The following SLC25A26 variants were observed in gnomAD, a reference collection of about 807,000 sequenced individuals.
The protein encoded by SLC25A26 is solute carrier family 25 member 26.
In SLC25A26, 36 loss-of-function variants were observed where a neutral mutation model predicts 37.8. The observed-to-expected ratio is 0.95, with a 90% CI of 0.73 to 1.26. The LOEUF is 1.26. Ranked by LOEUF, SLC25A26 falls within the 50% of genes most tolerant of loss-of-function variation. The pLI is 0.00. For synonymous variants in SLC25A26, 129 were observed against 122.5 expected, an observed-to-expected ratio of 1.05 and a Z score of -0.35; for missense variants, 390 against 331.1, an observed-to-expected ratio of 1.18 and a Z score of -1.38.
intron 1 of SLC25A26, among the ~76,000 whole-genome samples, chr3:66,177,658 G>A (rs1479562026): frequency 6.6e-6 from 1 of 152,242 alleles, no homozygotes; most frequent in South Asian, 2.1e-4. Context: ...GAAGGAGTGA[G>A]ATAAATAAGG....
chr3:66,303,677 T>C (rs1240472800), intron 5 of SLC25A26, among the ~76,000 whole-genome samples: 3 of 152,232 alleles, frequency 2.0e-5, no homozygotes, highest in Admixed American at 2.0e-4. Flanking sequence ...TCTGTTGCTG[T>C]GTAATGAATT....
At chr3:66,230,815 AAAAACAAAAAAAAACCAG>A (rs1285926555) in intron 1 of SLC25A26, among the ~76,000 whole-genome samples, 23 of 140,922 alleles carry the variant, frequency 1.6e-4, no homozygotes, top group African/African-American at 6.4e-4. Flanking sequence ...CAAAAAAAAA[AAAAACAAAAAAAAACCAG>A]AATTTTAGAC....
At chr3:66,241,146 G>GA (rs36194505) in intron 2 of SLC25A26, among the ~76,000 whole-genome samples, 4 of 151,916 alleles carry the variant, frequency 2.6e-5, no homozygotes, top group Non-Finnish European at 5.9e-5. Flanking sequence ...TATATTTATT[G>GA]AAAAAAAGCC....
intron 5 of SLC25A26, among the ~76,000 whole-genome samples, chr3:66,308,981 T>G (rs1363666135): frequency 6.6e-6 from 1 of 152,242 alleles, no homozygotes; most frequent in Non-Finnish European, 1.5e-5. Flanking sequence ...ATCAGGGATC[T>G]TGGCCTGAAA....
In SLC25A26 at chr3:66,318,590, A is replaced by C. The variant is rs57708290; in HGVS notation, c.454-27774A>C. On this transcript the variant is annotated intron_variant, in intron 5 of 9. Coordinates refer to ENST00000354883, the MANE Select transcript of SLC25A26 (RefSeq NM_001379210.1). ...TCACCATTTTTGTCCTTCTCAGTGG[A>C]AGCCACAGAGCAGAGCTGTTTCTGT... Among the ~76,000 whole-genome samples, 707 of 152,104 alleles carry C rather than the reference A, an allele frequency of 4.6e-3. 10 individuals are homozygous for C. The highest frequency in any genetic ancestry group is 0.016 in the African/African-American group (658 of 41,490).
chr3:66,304,301 TG>T (rs368793097), intron 5 of SLC25A26, among the ~76,000 whole-genome samples: 33 of 152,286 alleles, frequency 2.2e-4, no homozygotes, highest in African/African-American at 7.7e-4. Flanking sequence ...GTGGGAATCT[TG>T]GGGGCCTCCC....
At chr3:66,376,175 A>C (rs1056430749) in intron 9 of SLC25A26, among the ~76,000 whole-genome samples, 4 of 151,826 alleles carry the variant, frequency 2.6e-5, no homozygotes, top group Admixed American at 1.3e-4. Flanking sequence ...TGGGTGAGCA[A>C]AGAAAGTGAT....
chr3:66,265,546 T>C (rs2073711788), intron 5 of SLC25A26, among the ~76,000 whole-genome samples: 1 of 152,212 alleles, frequency 6.6e-6, no homozygotes, highest in South Asian at 2.1e-4. Context: ...TGAAACATAA[T>C]AGTTAAATAT....
At chr3:66,153,076 C>A (rs532452857) in intron 1 of SLC25A26, among the ~76,000 whole-genome samples, 33 of 152,286 alleles carry the variant, frequency 2.2e-4, no homozygotes, top group African/African-American at 7.5e-4. Flanking sequence ...TCTCACTCCC[C>A]AGAGGAGGGG....
chr3:66,359,938 T>C (rs56008800), intron 6 of SLC25A26, among the ~76,000 whole-genome samples: 44,344 of 152,128 alleles, frequency 0.29, 7,360 homozygotes, highest in East Asian at 0.69. Flanking sequence ...GTGCAGTAAA[T>C]TGAATTAATA....
chr3:66,237,392 C>T (rs913061434), intron 2 of SLC25A26, among the ~76,000 whole-genome samples: 1 of 152,242 alleles, frequency 6.6e-6, no homozygotes, highest in African/African-American at 2.4e-5. Flanking sequence ...TTGGTCTAGG[C>T]TTCGCCTGGG....
intron 8 of SLC25A26, among the ~76,000 whole-genome samples, chr3:66,370,087 A>G (rs561675329): frequency 6.6e-6 from 1 of 152,360 alleles, no homozygotes; most frequent in Admixed American, 6.5e-5. Context: ...GCCAAATTTT[A>G]GTATGGAGGT....
At chr3:66,143,968 G>T (rs1462661644) in intron 1 of SLC25A26, among the ~76,000 whole-genome samples, 2 of 152,152 alleles carry the variant, frequency 1.3e-5, no homozygotes, top group Non-Finnish European at 2.9e-5. Flanking sequence ...TGTCCTGAGA[G>T]ACTGCACACT....
intron 6 of SLC25A26, among the ~76,000 whole-genome samples, chr3:66,362,562 G>A (rs1319100029): frequency 1.3e-5 from 2 of 152,180 alleles, no homozygotes; most frequent in Non-Finnish European, 1.5e-5. Context: ...GAAAACTTGT[G>A]GGTCATGAGT....
At chr3:66,150,567 TA>T (rs1381282100) in intron 1 of SLC25A26, among the ~76,000 whole-genome samples, 6 of 122,586 alleles carry the variant, frequency 4.9e-5, no homozygotes, top group African/African-American at 1.5e-4. Context: ...ATGATATATA[TA>T]AAAATATATA....
chr3:66,139,764 T>C (rs542632824), intron 1 of SLC25A26, among the ~76,000 whole-genome samples: 3 of 152,328 alleles, frequency 2.0e-5, no homozygotes, highest in South Asian at 2.1e-4. Context: ...TTTACTCTAC[T>C]TGAGTTACTT....
At position 66,374,035 on chromosome 3, in the gene SLC25A26, A is replaced by G. The variant is rs142091864; in HGVS notation, c.707+3433A>G. Among the ~76,000 whole-genome samples the G allele has an allele frequency of 1.2e-3, 187 of 150,078 alleles. 1 individual carries two copies. Among genetic ancestry groups the G allele is most frequent in the African/African-American group, 4.5e-3 (177 of 39,416 alleles). ...TTTTCCTGTATCTTAAAGGATGCAT[A>G]GCTACTGTTGGCATACTTGACCATT... On this transcript the variant is annotated intron_variant, in intron 9 of 9. Transcript: ENST00000354883.
intron 6 of SLC25A26, among the ~76,000 whole-genome samples, chr3:66,356,997 A>C (rs1298226037): frequency 6.6e-6 from 1 of 152,230 alleles, no homozygotes; most frequent in East Asian, 1.9e-4. Context: ...CATACAACCT[A>C]GTAGACATGG....
intron 6 of SLC25A26, among the ~76,000 whole-genome samples, chr3:66,348,660 A>T (rs1418600821): frequency 2.6e-5 from 4 of 152,232 alleles, no homozygotes; most frequent in African/African-American, 9.6e-5. Context: ...TACTAAATTG[A>T]GAAAAAACAT....
Sources: allele counts gnomAD v4.1 joint callset (sites outside exome capture counted in the v4.1 genomes callset), GRCh38; gene constraint gnomAD v4.1.1; transcripts MANE v1.5; gene names NCBI Gene and HGNC (gene_info 2026-07-23, HGNC 2026-07-21).